RALGAPA2: variants seen among roughly 807,000 people sequenced by gnomAD.
RALGAPA2 encodes the protein ral GTPase-activating protein subunit alpha-2.
A neutral mutation model predicts 230.4 loss-of-function variants in RALGAPA2; 139 were observed. That is an observed-to-expected ratio of 0.60 (90% CI 0.53 to 0.69). RALGAPA2 has a LOEUF of 0.69. RALGAPA2 is among the 30% of genes least tolerant of loss of function. The pLI, the probability that RALGAPA2 is intolerant of heterozygous loss-of-function variation, is 0.00. For synonymous variants in RALGAPA2, 847 were observed against 837.8 expected, an observed-to-expected ratio of 1.01 and a Z score of -0.19; for missense variants, 2,163 against 2,276.0, an observed-to-expected ratio of 0.95 and a Z score of 1.01.
chr20:20,503,629 C>T (rs1602570501), intron 34 of RALGAPA2, 123 bp from the exon 35 acceptor site: 5 of 776,076 alleles, frequency 6.4e-6, no homozygotes, highest in Non-Finnish European at 5.4e-6. Flanking sequence ...TTTCTGATTA[C>T]AAACAAATGT....
chr20:20,422,126 A>G (rs1281954287), intron 37 of RALGAPA2, among the ~76,000 whole-genome samples: 1 of 151,574 alleles, frequency 6.6e-6, no homozygotes, highest in Non-Finnish European at 1.5e-5. Flanking sequence ...TTGGGGCCAG[A>G]GGCAGGGGAG....
At chr20:20,593,263 G>C (rs1209323073) in intron 16 of RALGAPA2, among the ~76,000 whole-genome samples, 1 of 152,230 alleles carries the variant, frequency 6.6e-6, no homozygotes, top group Non-Finnish European at 1.5e-5. Flanking sequence ...GATAGGCCAA[G>C]GTAGCAAGAA....
intron 24 of RALGAPA2, among the ~76,000 whole-genome samples, chr20:20,542,298 T>C (rs1283433237): frequency 6.6e-6 from 1 of 152,162 alleles, no homozygotes; most frequent in Admixed American, 6.5e-5. Context: ...TGCTCATGGA[T>C]AGGAAGAATC....
intron 37 of RALGAPA2, among the ~76,000 whole-genome samples, chr20:20,424,587 G>A (rs908095790): frequency 2.0e-5 from 3 of 152,122 alleles, no homozygotes; most frequent in African/African-American, 7.2e-5. Context: ...GCTAAAAAAT[G>A]TACTCCCAAC....
chr20:20,497,364 T>A (rs984241340), intron 35 of RALGAPA2, among the ~76,000 whole-genome samples: 3 of 152,088 alleles, frequency 2.0e-5, no homozygotes, highest in African/African-American at 7.2e-5. Flanking sequence ...ACTGGAACTG[T>A]AGGAGGAATT....
Position 20,582,943 on chromosome 20 carries a change from C to A in RALGAPA2, c.2707+107G>T. On this transcript the variant is annotated intron_variant, in intron 20 of 39. Transcript: ENST00000202677. ...GGACAGTGGTCAGGAGCATGGCACA[C>A]TTCCTCCTACAACTGTTTCAGAACC... The A allele has an allele frequency of 1.6e-6, 2 of 1,230,246 alleles. 1 individual carries two copies. The highest frequency in any genetic ancestry group is 2.3e-6 in the Non-Finnish European group (2 of 883,628). The allele number at this position is 1,230,246 out of a possible 1,614,324, so 76.2% of individuals were successfully genotyped here.
intron 37 of RALGAPA2, among the ~76,000 whole-genome samples, chr20:20,414,631 C>T (rs2060131240): frequency 6.6e-6 from 1 of 152,118 alleles, no homozygotes; most frequent in Non-Finnish European, 1.5e-5. Context: ...TAGAGGAAGT[C>T]CAGCACTATA....
In RALGAPA2 at chr20:20,411,929, T is replaced by C. The variant is rs1379938056; in HGVS notation, c.5617+98A>G. The C allele has an allele frequency of 4.1e-6, 6 of 1,465,984 alleles. No individual in the cohort carries two copies. The African/African-American group carries it at 8.4e-5, about 21-fold the overall frequency. 90.8% of individuals were successfully genotyped at this position (1,465,984 alleles called of 1,614,324 possible). On this transcript the variant is annotated intron_variant, in intron 38 of 39. Transcript: ENST00000202677. ...AGTTGATTCAGAGGGAGAATGCTCT[T>C]CTTAAATTTGCAAAGCATTTATCTG... is the stretch of plus-strand genomic sequence containing the variant.
rs1306464756 is a variant in RALGAPA2 at position 20,531,791 on chromosome 20, T to C, written c.3478A>G (p.Ile1160Val). Residue 1160 changes from isoleucine to valine, a missense_variant, in exon 27 of 40, where the codon ATT (isoleucine) becomes GTT (valine). Ile to Val is a conservative substitution (Grantham distance 29). Transcript: ENST00000202677. ...CAGACCCCAAGGGAGCAAACAGCAA[T>C]GCATCTTTTTAAAAAGAAGAAAACA... ...TEEPNEYARC[I>V]AVCSLGVWIC... The C allele has an allele frequency of 6.3e-7, 1 of 1,594,150 alleles. No homozygotes were observed. The highest frequency in any genetic ancestry group is 8.6e-7 in the Non-Finnish European group (1 of 1,169,564).
chr20:20,507,640 A>G (rs1004841106), intron 33 of RALGAPA2, among the ~76,000 whole-genome samples: 1 of 152,214 alleles, frequency 6.6e-6, no homozygotes, highest in Non-Finnish European at 1.5e-5. Flanking sequence ...TATAGGGTTG[A>G]GCACCATGCC....
intron 33 of RALGAPA2, among the ~76,000 whole-genome samples, chr20:20,506,186 T>C (rs1037712966): frequency 6.6e-6 from 1 of 152,028 alleles, no homozygotes; most frequent in South Asian, 2.1e-4. Flanking sequence ...CTTTTAGCCA[T>C]ATAAACCCTT....
chr20:20,577,129 C>T (rs1227816032), intron 20 of RALGAPA2, among the ~76,000 whole-genome samples: 8 of 152,116 alleles, frequency 5.3e-5, no homozygotes, highest in Admixed American at 2.6e-4. Context: ...AATTATCAGT[C>T]CCCACTGAGT....
chr20:20,457,374 C>T (rs114251911), intron 37 of RALGAPA2, among the ~76,000 whole-genome samples: 258 of 152,244 alleles, frequency 1.7e-3, no homozygotes, highest in African/African-American at 5.8e-3. Context: ...GTCGCACACA[C>T]GAGTTTGCCA....
At chr20:20,628,159 C>T (rs556649790) in intron 10 of RALGAPA2, among the ~76,000 whole-genome samples, 2 of 152,286 alleles carry the variant, frequency 1.3e-5, no homozygotes, top group East Asian at 1.9e-4. Context: ...AATCTCTACA[C>T]TGCTATAGAT....
intron 38 of RALGAPA2, among the ~76,000 whole-genome samples, chr20:20,405,614 A>G (rs551208547): frequency 6.6e-6 from 1 of 152,364 alleles, no homozygotes; most frequent in South Asian, 2.1e-4. Flanking sequence ...CACGAAGCCT[A>G]AAGTGGTGCT....
chr20:20,579,903 T>C (rs1383731033), intron 20 of RALGAPA2, among the ~76,000 whole-genome samples: 1 of 152,204 alleles, frequency 6.6e-6, no homozygotes, highest in Admixed American at 6.5e-5. Context: ...CTATATTTTA[T>C]CTTCTGTTCC....
At chr20:20,420,859 G>A (rs1344619058) in intron 37 of RALGAPA2, among the ~76,000 whole-genome samples, 1 of 152,190 alleles carries the variant, frequency 6.6e-6, no homozygotes, top group Non-Finnish European at 1.5e-5. Flanking sequence ...CTCAGAGAAG[G>A]AATGGCTAAG....
intron 37 of RALGAPA2, among the ~76,000 whole-genome samples, chr20:20,443,079 T>G (rs2060775332): frequency 1.3e-5 from 2 of 152,254 alleles, no homozygotes; most frequent in African/African-American, 4.8e-5. Flanking sequence ...GCATTCTGAC[T>G]AAAACCAGTC....
intron 20 of RALGAPA2, among the ~76,000 whole-genome samples, chr20:20,573,755 G>C (rs2064728434): frequency 6.6e-6 from 1 of 152,152 alleles, no homozygotes; most frequent in Non-Finnish European, 1.5e-5. Flanking sequence ...AGATTCATCT[G>C]TACAGTTGTG....
Sources: gnomAD v4.1 joint callset for allele counts (sites outside exome capture counted in the v4.1 genomes callset) on GRCh38, gnomAD v4.1.1 for gene constraint, MANE v1.5 for transcripts, NCBI Gene and HGNC (gene_info 2026-07-23, HGNC 2026-07-21) for gene names.